Variants in CEP290 observed in about 807,000 individuals in gnomAD.
CEP290 encodes centrosomal protein 290, also known as centrosomal protein of 290 kDa.
CEP290 carries 317 observed loss-of-function variants against 344.9 expected under a neutral mutation model. The ratio of observed to expected loss-of-function variants is 0.92; its 90% confidence interval spans 0.84 to 1.01. The LOEUF is 1.01. CEP290 is among the 50% of genes least tolerant of loss of function. The pLI is 0.00. For missense variants in CEP290, 2,754 were observed against 2,761.4 expected (o/e 1.00, Z 0.06); for synonymous variants, 932 against 895.8 (o/e 1.04, Z -0.72).
intron 6 of CEP290, among the ~76,000 whole-genome samples, chr12:88,133,400 T>C (rs922393445): frequency 6.6e-6 from 1 of 152,178 alleles, no homozygotes; most frequent in Non-Finnish European, 1.5e-5. Flanking sequence ...CATTCTCTTT[T>C]GATGGCTGCA....
chr12:88,098,757 A>G (rs1261032927), intron 26 of CEP290, among the ~76,000 whole-genome samples: 1 of 152,230 alleles, frequency 6.6e-6, no homozygotes, highest in Admixed American at 6.5e-5. Flanking sequence ...GGTACGAAGT[A>G]TTTATTAGTA....
chr12:88,139,092 A>T, intron 5 of CEP290, 53 bp downstream of exon 5: 1 of 914,514 alleles, frequency 1.1e-6, no homozygotes, highest in South Asian at 1.5e-5. Context: ...TTTGAAAACA[A>T]TTCAAAATAA....
chr12:88,077,098 TTAATA>T, intron 41 of CEP290, 119 bp downstream of exon 41: 1 of 921,100 alleles, frequency 1.1e-6, no homozygotes, highest in Non-Finnish European at 1.6e-6. Flanking sequence ...GTCCTCAAAA[TTAATA>T]CAGAATTAAT....
rs1415780842 is a variant in CEP290, at chr12:88,083,157, G to A, written c.4886C>T (p.Thr1629Ile). The change falls in exon 37 of 54, where the codon ACA becomes ATA. Residue 1629 changes from threonine to isoleucine, a missense_variant. By Grantham distance (89) the Thr-to-Ile change is moderately conservative. Transcript: ENST00000552810. Reference sequence around the variant, plus strand: ...AAGAGAGTCATCTTGTTCTGCTACTGTCTGTTCCATCTCAGCCAGACGAAT... The same window carrying A: ...AAGAGAGTCATCTTGTTCTGCTACTATCTGTTCCATCTCAGCCAGACGAAT... ...HFIRLAEMEQ[T>I]VAEQDDSLSS... 6.4e-7 allele frequency: 1 copy of A among 1,554,794 alleles called. No homozygotes were observed. Among genetic ancestry groups the A allele is most frequent in the Non-Finnish European group, 8.7e-7 (1 of 1,150,224 alleles).
Position 88,139,485 on chromosome 12 carries a change from A to G in CEP290, c.250+10T>C, listed in dbSNP as rs1317384355. On this transcript the variant is annotated intron_variant, in intron 4 of 53. Coordinates refer to ENST00000552810, the MANE Select transcript of CEP290 (RefSeq NM_025114.4). ...TTAATACCATAATAAACTTTTTCCA[A>G]GGTGCTTACCAAATTTTGCTTGTTC... The G allele has an allele frequency of 1.3e-6, 2 of 1,594,230 alleles. No individual in the cohort carries two copies. Among genetic ancestry groups the G allele is most frequent in the Non-Finnish European group, 1.7e-6 (2 of 1,170,786 alleles).
chr12:88,132,870 T>C (rs1344556895), intron 6 of CEP290, among the ~76,000 whole-genome samples: 1 of 152,162 alleles, frequency 6.6e-6, no homozygotes, highest in East Asian at 1.9e-4. Flanking sequence ...TAGCTATTCT[T>C]CCTGATGTTC....
chr12:88,136,846 T>C (rs2040380033), intron 5 of CEP290, 60 bp from the exon 6 acceptor site: 2 of 1,426,032 alleles, frequency 1.4e-6, no homozygotes, highest in Non-Finnish European at 2.0e-6. Flanking sequence ...TTCAAATGAG[T>C]CAACAACAAG....
rs2137304291 is a variant in CEP290 at position 88,090,791 on chromosome 12, A to C, written c.3510T>G (p.Asn1170Lys). ...DIARRQVEILNAQQQSRDKEV... is the reference protein window; with the variant it reads ...DIARRQVEILKAQQQSRDKEV... The stretch of plus-strand genomic sequence containing the variant: ...CCTTGTCCCTAGATTGTTGTTGTGC[A>C]TTCAAAATTTCAACTTGTCTTCTGG... Residue 1170 changes from asparagine to lysine, a missense_variant, in exon 30 of 54, where the codon AAT becomes AAG. By Grantham distance (94) the Asn-to-Lys change is moderately conservative (BLOSUM62 0). Coordinates refer to ENST00000552810, the MANE Select transcript of CEP290 (RefSeq NM_025114.4). 2 of 1,562,494 alleles carry C rather than the reference A, an allele frequency of 1.3e-6. No homozygotes were observed. Among genetic ancestry groups the C allele is most frequent in the East Asian group, 2.3e-5 (1 of 42,958 alleles).
chr12:88,100,097 T>G (rs2037757713), intron 26 of CEP290, among the ~76,000 whole-genome samples: 2 of 151,902 alleles, frequency 1.3e-5, no homozygotes, highest in South Asian at 4.1e-4. Flanking sequence ...CCGGCCAACA[T>G]GGCAAAACCC....
At chr12:88,081,585 T>A (rs941523696) in intron 37 of CEP290, among the ~76,000 whole-genome samples, 1 of 152,166 alleles carries the variant, frequency 6.6e-6, no homozygotes, top group Admixed American at 6.5e-5. Flanking sequence ...AAAACTTAAG[T>A]CTAACTTTAA....
chr12:88,139,937 G>C (rs768759628), intron 3 of CEP290, among the ~76,000 whole-genome samples: 3 of 151,936 alleles, frequency 2.0e-5, no homozygotes, highest in African/African-American at 7.3e-5. Context: ...AAATTTTTTC[G>C]TACAGGCAAG....
chr12:88,121,200 T>C, intron 13 of CEP290, 34 bp from the exon 14 acceptor site: 1 of 1,530,698 alleles, frequency 6.5e-7, no homozygotes, highest in Non-Finnish European at 9.0e-7. Flanking sequence ...TGAATTGAAT[T>C]GACTACTTAT....
intron 20 of CEP290, among the ~76,000 whole-genome samples, chr12:88,113,592 T>G (rs1186747141): frequency 6.6e-6 from 1 of 151,914 alleles, no homozygotes; most frequent in Non-Finnish European, 1.5e-5. Flanking sequence ...CAAGCACAAA[T>G]TTGGGAAATA....
chr12:88,104,735 A>G (rs1043580889), intron 25 of CEP290, among the ~76,000 whole-genome samples: 2 of 152,128 alleles, frequency 1.3e-5, no homozygotes, highest in African/African-American at 4.8e-5. Context: ...GACCTGAAAT[A>G]AAACTTTAAA....
intron 46 of CEP290, among the ~76,000 whole-genome samples, chr12:88,062,023 C>T (rs1001694938): frequency 2.0e-5 from 3 of 152,296 alleles, no homozygotes; most frequent in Middle Eastern, 3.4e-3. Flanking sequence ...CAGTGATCTG[C>T]CCGCCTCGGC....
At chr12:88,106,262 T>C (rs1235645000) in intron 25 of CEP290, among the ~76,000 whole-genome samples, 8 of 152,160 alleles carry the variant, frequency 5.3e-5, no homozygotes, top group Non-Finnish European at 1.2e-4. Flanking sequence ...ACACAAAAGT[T>C]AGATACATCT....
At chr12:88,115,013 G>C in intron 19 of CEP290, 85 bp downstream of exon 19, 1 of 688,406 alleles carries the variant, frequency 1.5e-6, no homozygotes, top group Non-Finnish European at 2.5e-6. Flanking sequence ...TTAGAAAACA[G>C]AGAATGTGTT....
rs1565877152 is a variant in CEP290, at chr12:88,106,859, A to G, written c.2633T>C (p.Ile878Thr). ...LQMDSDEMKKILAENSRKITV... is the reference protein window; with the variant it reads ...LQMDSDEMKKTLAENSRKITV... ...AATTTTCCTACTATTTTCTGCAAGTATTTTTTTCATTTCATCCGAATCCAT... is the reference window on the plus strand; with the variant it reads ...AATTTTCCTACTATTTTCTGCAAGTGTTTTTTTCATTTCATCCGAATCCAT... The change falls in exon 25 of 54, where the codon ATA (isoleucine) becomes ACA (threonine). Residue 878 changes from isoleucine to threonine, a missense_variant. Physicochemically the swap from Ile to Thr is moderately conservative, Grantham distance 89. Coordinates refer to ENST00000552810, the MANE Select transcript of CEP290 (RefSeq NM_025114.4). 1.2e-6 allele frequency: 2 copies of G among 1,607,380 alleles called. No individual in the cohort carries two copies. Among genetic ancestry groups the G allele is most frequent in the Non-Finnish European group, 8.5e-7 (1 of 1,176,518 alleles).
At chr12:88,052,129 A>G (rs529191872) in intron 52 of CEP290, among the ~76,000 whole-genome samples, 1 of 152,350 alleles carries the variant, frequency 6.6e-6, no homozygotes, top group Admixed American at 6.5e-5. Flanking sequence ...TACAACTCAC[A>G]CATGATGGCT....
Sources: gnomAD v4.1 joint callset for allele counts (sites outside exome capture counted in the v4.1 genomes callset) on GRCh38, gnomAD v4.1.1 for gene constraint, MANE v1.5 for transcripts, NCBI Gene and HGNC (gene_info 2026-07-23, HGNC 2026-07-21) for gene names.